The following ARHGEF3 variants were observed in gnomAD, a reference collection of about 807,000 sequenced individuals.
The protein encoded by ARHGEF3 is Rho guanine nucleotide exchange factor 3, also known as 59.8 kDA protein.
A neutral mutation model predicts 63.2 loss-of-function variants in ARHGEF3; 28 were observed. The ratio of observed to expected loss-of-function variants is 0.44; its 90% CI spans 0.33 to 0.61. The LOEUF (loss-of-function observed/expected upper bound fraction) is 0.61, where lower values mean the gene tolerates loss of function less well. ARHGEF3 is among the 20% of genes least tolerant of loss of function. The pLI, the probability that ARHGEF3 is intolerant of heterozygous loss-of-function variation, is 0.03. For synonymous variants in ARHGEF3, 266 were observed against 254.2 expected (o/e 1.05, Z -0.44); for missense variants, 533 against 659.3 (o/e 0.81, Z 2.10).
chr3:56,879,481 T>C (rs576773675), intron 4 of ARHGEF3, among the ~76,000 whole-genome samples: 1 of 152,308 alleles, frequency 6.6e-6, no homozygotes, highest in African/African-American at 2.4e-5. Flanking sequence ...CAATGAAAAC[T>C]TGAATATGGT....
At chr3:57,024,444 A>T (rs2107176785) in intron 2 of ARHGEF3, among the ~76,000 whole-genome samples, 1 of 151,996 alleles carries the variant, frequency 6.6e-6, no homozygotes. Flanking sequence ...TTATTTCTGT[A>T]ATAAAACAAA....
intron 4 of ARHGEF3, among the ~76,000 whole-genome samples, chr3:56,825,396 T>C (rs10866003): frequency 0.7 from 105,773 of 152,062 alleles, 36,891 homozygotes; most frequent in African/African-American, 0.71. Context: ...TGAGACCTCA[T>C]TCTTTTTCCA....
rs1702276506 is a variant in ARHGEF3, at chr3:57,002,500, A to ATATATATATATATATATATATATATATGT, written c.62+32587_62+32588insACATATATATATATATATATATATATATA. On this transcript the variant is annotated intron_variant, in intron 2 of 12. Coordinates refer to the ARHGEF3 transcript ENST00000338458. ...TATGTTATATATATATATATATGTT[A>ATATATATATATATATATATATATATATGT]TATATATATATATGTTATATATGTA... 2.2e-4 allele frequency among the ~76,000 whole-genome samples: 13 copies of ATATATATATATATATATATATATATATGT among 60,120 alleles called. 2 individuals carry two copies. The highest frequency in any genetic ancestry group is 8.1e-4 in the African/African-American group (13 of 16,022). 39.4% of individuals were successfully genotyped at this position (60,120 alleles called of 152,430 possible). A position where few individuals can be genotyped will look rare whatever the true frequency, so the allele number is the denominator to read the frequency against.
At chr3:57,078,139 C>A (rs997734504) in intron 1 of ARHGEF3, among the ~76,000 whole-genome samples, 6 of 152,184 alleles carry the variant, frequency 3.9e-5, no homozygotes, top group African/African-American at 7.2e-5. Flanking sequence ...CTGTTATCAT[C>A]CCCACTTTAC....
intron 1 of ARHGEF3, among the ~76,000 whole-genome samples, chr3:56,800,721 T>G (rs1211168453): frequency 2.0e-5 from 3 of 152,048 alleles, no homozygotes; most frequent in African/African-American, 7.3e-5. Context: ...CCAGTGGTGG[T>G]GGTGATGTTT....
At chr3:56,781,831 G>A (rs530079595) in intron 1 of ARHGEF3, among the ~76,000 whole-genome samples, 1 of 152,182 alleles carries the variant, frequency 6.6e-6, no homozygotes, top group African/African-American at 2.4e-5. Context: ...TCACTGTTGT[G>A]GGGAATGTCT....
At chr3:56,736,553 C>T (rs945099460) in intron 8 of ARHGEF3, among the ~76,000 whole-genome samples, 2 of 152,142 alleles carry the variant, frequency 1.3e-5, no homozygotes, top group Non-Finnish European at 2.9e-5. Context: ...GAGATTAAAT[C>T]CTTCTAATAT....
intron 4 of ARHGEF3, among the ~76,000 whole-genome samples, chr3:56,878,584 T>C (rs886591216): frequency 2.6e-5 from 4 of 152,178 alleles, no homozygotes; most frequent in Admixed American, 6.5e-5. Context: ...TTAAGACCCT[T>C]CCAGTTTCCT....
chr3:57,017,661 C>A (rs1271868122), intron 2 of ARHGEF3, among the ~76,000 whole-genome samples: 1 of 152,190 alleles, frequency 6.6e-6, no homozygotes, highest in Admixed American at 6.6e-5. Flanking sequence ...CCTTGGCACA[C>A]GTTGGATTGA....
At chr3:56,815,706 A>T (rs1337251981) in intron 4 of ARHGEF3, among the ~76,000 whole-genome samples, 1 of 152,244 alleles carries the variant, frequency 6.6e-6, no homozygotes, top group African/African-American at 2.4e-5. Flanking sequence ...GTACTCGGTT[A>T]CATAGTGCCT....
intron 1 of ARHGEF3, among the ~76,000 whole-genome samples, chr3:57,068,991 G>A (rs1705725338): frequency 6.8e-6 from 1 of 147,228 alleles, no homozygotes; most frequent in African/African-American, 2.5e-5. Context: ...ACGTGATCTT[G>A]GCTCACCGTA....
chr3:57,009,091 C>G (rs1244030773), intron 2 of ARHGEF3, among the ~76,000 whole-genome samples: 1 of 152,202 alleles, frequency 6.6e-6, no homozygotes, highest in Non-Finnish European at 1.5e-5. Context: ...ATGGCCCAAG[C>G]CATTGCTCTC....
chr3:56,992,411 A>AAAAAAAAAAAAAAAAAAAAAAAAAAAC (rs1701798144), intron 2 of ARHGEF3, among the ~76,000 whole-genome samples: 1 of 135,532 alleles, frequency 7.4e-6, no homozygotes, highest in African/African-American at 2.7e-5. Flanking sequence ...AAAAAAAAAA[A>AAAAAAAAAAAAAAAAAAAAAAAAAAAC]AAACAGAAAG....
chr3:56,728,707 CA>C lies in ARHGEF3; in HGVS notation c.*562del, dbSNP rs1485936527. 2 of 152,752 alleles carry C rather than the reference CA, an allele frequency of 1.3e-5. No individual in the cohort carries two copies. The highest frequency in any genetic ancestry group is 2.9e-5 in the Non-Finnish European group (2 of 68,442). The allele number at this position is 152,752 out of a possible 1,614,324, so 9.5% of individuals were successfully genotyped here. A position where few individuals can be genotyped will look rare whatever the true frequency, so the allele number is the denominator to read the frequency against. ...AGTTCAGACAATGCATCCTCCTTTG[CA>C]AAATTAAGCCTTCAGAATCCCCAGG... is the stretch of plus-strand genomic sequence containing the variant. On this transcript the variant is annotated 3_prime_UTR_variant, in exon 10 of 10. Transcript: ENST00000296315.
rs114707345 is a variant in ARHGEF3, at chr3:56,926,297, C to T, written c.129+32526G>A. Among the ~76,000 whole-genome samples the T allele has an allele frequency of 8.6e-4, 131 of 152,214 alleles. 1 individual carries two copies. Among genetic ancestry groups the T allele is most frequent in the African/African-American group, 2.9e-3 (119 of 41,528 alleles). ...AGGGGTCTATGGAAGGGACAGGATG[C>T]GAAGGCCAGGGATGAGATGCTTGGA... On this transcript the variant is annotated intron_variant, in intron 3 of 12. Transcript: ENST00000338458.
intron 2 of ARHGEF3, among the ~76,000 whole-genome samples, chr3:57,002,468 ATATATATATGT>A (rs1366417106): frequency 0.013 from 248 of 18,574 alleles, 13 homozygotes; most frequent in African/African-American, 0.035. Flanking sequence ...AGCACTATAT[ATATATATATGT>A]TATATATATA....
intron 1 of ARHGEF3, 143 bp downstream of exon 1, chr3:56,801,560 T>G: frequency 2.7e-6 from 3 of 1,092,364 alleles, no homozygotes; most frequent in East Asian, 2.7e-5. Flanking sequence ...GTGGGAGAGA[T>G]GTAGAGAGAG....
intron 1 of ARHGEF3, among the ~76,000 whole-genome samples, chr3:57,061,832 C>T (rs1430198692): frequency 1.3e-5 from 2 of 152,064 alleles, no homozygotes; most frequent in African/African-American, 4.8e-5. Flanking sequence ...TATTTTCATC[C>T]CCATTTTACA....
At chr3:56,942,759 GA>G (rs1272388799) in intron 3 of ARHGEF3, among the ~76,000 whole-genome samples, 1 of 152,190 alleles carries the variant, frequency 6.6e-6, no homozygotes, top group African/African-American at 2.4e-5. Flanking sequence ...GTTCTTGAAG[GA>G]AATTGAAAGT....
Sources: gnomAD v4.1 joint callset for allele counts (sites outside exome capture counted in the v4.1 genomes callset) on GRCh38, gnomAD v4.1.1 for gene constraint, MANE v1.5 for transcripts, NCBI Gene and HGNC (gene_info 2026-07-23, HGNC 2026-07-21) for gene names.